The following CNTN4 variants were observed in gnomAD, a reference collection of about 807,000 sequenced individuals.
CNTN4 encodes the protein contactin-4.
Under a neutral mutation model 122.5 loss-of-function variants are expected in CNTN4, and 77 were observed. The observed-to-expected ratio is 0.63, with a 90% CI of 0.52 to 0.76. CNTN4 has a LOEUF of 0.76. CNTN4 is among the 30% of genes least tolerant of loss of function. CNTN4 has a pLI of 0.00. For synonymous variants in CNTN4, 512 were observed against 447.0 expected (o/e 1.15, Z -1.83); for missense variants, 1,256 against 1,259.1 (o/e 1.00, Z 0.04).
intron 14 of CNTN4, among the ~76,000 whole-genome samples, chr3:3,025,156 G>A (rs1028489553): frequency 6.6e-6 from 1 of 152,152 alleles, no homozygotes; most frequent in African/African-American, 2.4e-5. Flanking sequence ...CACTATGGGT[G>A]TGAATGTAGT....
At chr3:2,946,451 C>T (rs927963827) in intron 13 of CNTN4, among the ~76,000 whole-genome samples, 2 of 152,164 alleles carry the variant, frequency 1.3e-5, no homozygotes, top group Non-Finnish European at 2.9e-5. Context: ...AACGTCATGT[C>T]TCACTGTAAA....
intron 2 of CNTN4, among the ~76,000 whole-genome samples, chr3:2,192,802 C>T (rs1485822812): frequency 6.6e-6 from 1 of 152,074 alleles, no homozygotes; most frequent in East Asian, 1.9e-4. Flanking sequence ...ACACCAAAAC[C>T]ACTATTAGCT....
intron 6 of CNTN4, among the ~76,000 whole-genome samples, chr3:2,788,440 T>C (rs1283368983): frequency 6.6e-6 from 1 of 152,204 alleles, no homozygotes; most frequent in Non-Finnish European, 1.5e-5. Context: ...ATAATTGATC[T>C]CTCATATGAC....
chr3:2,820,524 T>C (rs1007021867), intron 7 of CNTN4, among the ~76,000 whole-genome samples: 1 of 152,064 alleles, frequency 6.6e-6, no homozygotes, highest in African/African-American at 2.4e-5. Flanking sequence ...CCATTGTAAT[T>C]GATGGCCATT....
intron 2 of CNTN4, among the ~76,000 whole-genome samples, chr3:2,255,104 G>A (rs1415673767): frequency 2.0e-5 from 3 of 152,134 alleles, no homozygotes; most frequent in African/African-American, 4.8e-5. Context: ...TTCTGCTTAC[G>A]GCTAGCCAGT....
intron 23 of CNTN4, among the ~76,000 whole-genome samples, chr3:3,050,762 TCAA>T (rs1270120151): frequency 4.7e-5 from 1 of 21,172 alleles, no homozygotes; most frequent in Non-Finnish European, 8.6e-5. Flanking sequence ...AAACTCCGTC[TCAA>T]AAAAAAAAAA....
chr3:2,748,316 T>C (rs2089907039), intron 6 of CNTN4, among the ~76,000 whole-genome samples: 1 of 152,240 alleles, frequency 6.6e-6, no homozygotes, highest in African/African-American at 2.4e-5. Flanking sequence ...CCCAACCACG[T>C]TGTTTTATTA....
chr3:2,100,303 C>T (rs965037151), intron 1 of CNTN4, among the ~76,000 whole-genome samples: 2 of 152,234 alleles, frequency 1.3e-5, no homozygotes, highest in Non-Finnish European at 2.9e-5. Context: ...ATGGGAAGCT[C>T]TTTCAATTTT....
chr3:2,851,826 G>C (rs1156512332), intron 7 of CNTN4, among the ~76,000 whole-genome samples: 1 of 152,090 alleles, frequency 6.6e-6, no homozygotes, highest in Non-Finnish European at 1.5e-5. Context: ...TTTCAGTACT[G>C]CCCTAATCAC....
At chr3:2,944,769 T>C (rs2094656888) in intron 13 of CNTN4, among the ~76,000 whole-genome samples, 1 of 152,070 alleles carries the variant, frequency 6.6e-6, no homozygotes, top group Admixed American at 6.6e-5. Flanking sequence ...TGAAACAAAC[T>C]CAGATGACAG....
chr3:2,627,023 A>G (rs544845965), intron 4 of CNTN4, among the ~76,000 whole-genome samples: 2 of 152,274 alleles, frequency 1.3e-5, no homozygotes, highest in African/African-American at 4.8e-5. Context: ...TTCTTTGTAT[A>G]TAATTTGATT....
intron 23 of CNTN4, 49 bp from the exon 24 acceptor site, chr3:3,053,758 G>T (rs1187493011): frequency 6.3e-7 from 1 of 1,590,022 alleles, no homozygotes; most frequent in African/African-American, 1.3e-5. Flanking sequence ...TCCATATTTG[G>T]GACCTTTGTG....
intron 2 of CNTN4, among the ~76,000 whole-genome samples, chr3:2,206,003 C>G (rs1267900995): frequency 6.6e-6 from 1 of 152,008 alleles, no homozygotes; most frequent in Admixed American, 6.6e-5. Context: ...GAAGGGTATT[C>G]CAGTTCTGTT....
chr3:2,408,190 A>G (rs768872462), intron 3 of CNTN4, among the ~76,000 whole-genome samples: 1 of 152,130 alleles, frequency 6.6e-6, no homozygotes, highest in Non-Finnish European at 1.5e-5. Flanking sequence ...CCATTTCTGT[A>G]TTGATATCCT....
intron 3 of CNTN4, among the ~76,000 whole-genome samples, chr3:2,379,043 C>T (rs1413502634): frequency 2.0e-5 from 3 of 152,146 alleles, no homozygotes; most frequent in South Asian, 4.1e-4. Context: ...ATACAATGCT[C>T]GTGTCTCTTG....
intron 6 of CNTN4, among the ~76,000 whole-genome samples, chr3:2,818,167 C>G (rs944413262): frequency 9.2e-5 from 14 of 152,252 alleles, no homozygotes; most frequent in Non-Finnish European, 2.1e-4. Context: ...TCTGAGTTGG[C>G]AAAATCAGAT....
intron 6 of CNTN4, among the ~76,000 whole-genome samples, chr3:2,780,237 C>G (rs2091513897): frequency 6.6e-6 from 1 of 152,192 alleles, no homozygotes; most frequent in Non-Finnish European, 1.5e-5. Flanking sequence ...GTAGTAAGCA[C>G]CACAGTTTTT....
At chr3:2,919,717 T>C (rs979348625) in intron 12 of CNTN4, among the ~76,000 whole-genome samples, 2 of 152,220 alleles carry the variant, frequency 1.3e-5, no homozygotes, top group African/African-American at 4.8e-5. Context: ...TTTGGACTGA[T>C]ATAAGAAAGT....
At position 3,026,168 on chromosome 3, in the gene CNTN4, C is replaced by T. The variant is rs199513278; in HGVS notation, c.1553C>T (p.Pro518Leu). 2.4e-5 allele frequency: 38 copies of T among 1,613,214 alleles called. No individual in the cohort carries two copies. The highest frequency in any genetic ancestry group is 2.8e-5 in the Non-Finnish European group (33 of 1,179,508). The change falls in exon 15 of 25, where the codon CCG becomes CTG. Residue 518 changes from proline to leucine, a missense_variant. Pro to Leu is a moderately conservative substitution (Grantham distance 98). Transcript: ENST00000418658. Reference protein sequence around the residue: ...DVTVGESIVLPCQVTHDHSLD... With the variant: ...DVTVGESIVLLCQVTHDHSLD... ...ACTGTTGGAGAGAGTATTGTTTTAC[C>T]GTGCCAGGTAACGCATGATCACTCG...
Sources: gnomAD v4.1 joint callset for allele counts (sites outside exome capture counted in the v4.1 genomes callset) on GRCh38, gnomAD v4.1.1 for gene constraint, MANE v1.5 for transcripts, NCBI Gene and HGNC (gene_info 2026-07-23, HGNC 2026-07-21) for gene names.